The following ZNF721 variants were observed in gnomAD, a reference collection of about 807,000 sequenced individuals.
The protein encoded by ZNF721 is zinc finger protein 721.
In ZNF721, 2 loss-of-function variants were observed where a neutral mutation model predicts 2.4. The ratio of observed to expected loss-of-function variants is 0.82; its 90% confidence interval spans 0.34 to 2.58. The LOEUF is 2.58. ZNF721 is among the 30% of genes most tolerant of loss of function. The probability of loss-of-function intolerance (pLI) is 0.11; values close to 1 mark genes in which losing one functional copy is unlikely to be tolerated. For missense variants in ZNF721, 1,187 were observed against 1,085.5 expected (o/e 1.09, Z -1.31); for synonymous variants, 398 against 381.8 (o/e 1.04, Z -0.50).
rs1022332439 is a variant in ZNF721 at position 442,206 on chromosome 4, T to C, written c.2261A>G (p.Lys754Arg). 1.2e-6 allele frequency: 2 copies of C among 1,612,434 alleles called. No homozygotes were observed. Among genetic ancestry groups the C allele is most frequent in the Admixed American group, 3.4e-5 (2 of 59,674 alleles). The change falls in exon 3 of 3, where the codon AAA becomes AGA. Residue 754 changes from lysine (K) to arginine (R), a missense_variant. By Grantham distance (26) the Lys-to-Arg change is conservative (BLOSUM62 2). Coordinates refer to ENST00000511833, the MANE Select transcript of ZNF721 (RefSeq NM_133474.4). ...KKIHTGDKLY[K>R]CKECGKVFKQ... ...AAACACTTTCCCACATTCTTTACAT[T>C]TGTAGAGTTTATCTCCAGTATGAAT...
chr4:472,906 G>C (rs543049577), intron 1 of ZNF721, among the ~76,000 whole-genome samples: 1 of 152,140 alleles, frequency 6.6e-6, no homozygotes, highest in South Asian at 2.1e-4. Flanking sequence ...AAAATAATGG[G>C]CTACACTGAC....
chr4:458,565 A>T (rs1714914870), intron 2 of ZNF721, among the ~76,000 whole-genome samples: 1 of 152,138 alleles, frequency 6.6e-6, no homozygotes, highest in Non-Finnish European at 1.5e-5. Context: ...CACAGATCTA[A>T]GCCAGGCGTG....
At chr4:451,588 C>A (rs781865842) in intron 2 of ZNF721, among the ~76,000 whole-genome samples, 2 of 152,132 alleles carry the variant, frequency 1.3e-5, no homozygotes, top group African/African-American at 2.4e-5. Context: ...ATATATATAC[C>A]CTTTCTCCCT....
rs1714231626 is a variant in ZNF721, at chr4:441,441, A to AT, written c.*253dup. The AT allele has an allele frequency of 2.8e-6, 1 of 352,758 alleles. No homozygotes were observed. The highest frequency in any genetic ancestry group is 6.3e-5 in the South Asian group (1 of 15,968). The allele number at this position is 352,758 out of a possible 1,614,324, so 21.9% of individuals were successfully genotyped here. Reference sequence around the variant, plus strand: ...GACTAGAATTGGAAGTCTTTGCCACATTTTTAATTTTAATTTGGCTTCTCA... The same window carrying AT: ...GACTAGAATTGGAAGTCTTTGCCACATTTTTTAATTTTAATTTGGCTTCTCA... On this transcript the variant is annotated 3_prime_UTR_variant, in exon 3 of 3. Transcript: ENST00000511833.
rs537073532 is a variant in ZNF721, at chr4:442,347, C to G, written c.2120G>C (p.Ser707Thr). The change falls in exon 3 of 3, where the codon AGT (serine) becomes ACT (threonine). Residue 707 changes from serine to threonine, a missense_variant. Coordinates refer to ENST00000511833, the MANE Select transcript of ZNF721 (RefSeq NM_133474.4). The stretch of plus-strand genomic sequence containing the variant: ...ATGTGTAGTAAGGTTTCTTGACCTA[C>G]TAAAGGCTTTGCCACACTCTTCACA... ...YKCEECGKAF[S>T]RSRNLTTHRR... is the part of the protein sequence containing the mutation. The G allele has an allele frequency of 6.2e-7, 1 of 1,613,874 alleles. No individual in the cohort carries two copies. Among genetic ancestry groups the G allele is most frequent in the East Asian group, 2.2e-5 (1 of 44,894 alleles).
At chr4:473,324 G>A in intron 1 of ZNF721, among the ~76,000 whole-genome samples, 1 of 152,176 alleles carries the variant, frequency 6.6e-6, no homozygotes, top group South Asian at 2.1e-4. Context: ...GTACTACTCG[G>A]CTAGAGAAAG....
At chr4:497,300 G>C (rs919220210) in intron 1 of ZNF721, among the ~76,000 whole-genome samples, 1 of 151,834 alleles carries the variant, frequency 6.6e-6, no homozygotes, top group Non-Finnish European at 1.5e-5. Context: ...GAGGAACAAG[G>C]TCCCAGATTT....
chr4:443,903 G>A lies in ZNF721; in HGVS notation c.564C>T (p.Asn188=). Residue 188 remains asparagine (N), a synonymous_variant, in exon 3 of 3, where the codon AAC becomes AAT. Transcript: ENST00000511833. The stretch of plus-strand genomic sequence containing the variant: ...CTTCACCTGTGTAAGCTTTCTCTCT[G>A]TTGTGAATTCTCTTATGTGCAGTAA... ...TNLTAHKRIH[N]REKAYTGEDR... 3.1e-6 allele frequency: 5 copies of A among 1,613,546 alleles called. No individual in the cohort carries two copies. The South Asian group carries it at 4.4e-5, about 14-fold the overall frequency.
chr4:473,145 G>C (rs1262254348), intron 1 of ZNF721, among the ~76,000 whole-genome samples: 1 of 152,162 alleles, frequency 6.6e-6, no homozygotes, highest in Non-Finnish European at 1.5e-5. Context: ...ACTGGGCTGA[G>C]AGTCACTTAG....
intron 1 of ZNF721, among the ~76,000 whole-genome samples, chr4:494,267 C>T (rs1041323565): frequency 6.6e-6 from 1 of 151,524 alleles, no homozygotes. Flanking sequence ...CTGCAAGCTC[C>T]GCCTCCTGGG....
intron 2 of ZNF721, among the ~76,000 whole-genome samples, chr4:467,844 C>T (rs1261927734): frequency 6.6e-6 from 1 of 152,202 alleles, no homozygotes; most frequent in African/African-American, 2.4e-5. Context: ...CCTATAAAAA[C>T]TGTTCCCAGG....
At chr4:486,781 A>G (rs148443783) in intron 1 of ZNF721, among the ~76,000 whole-genome samples, 2,531 of 152,312 alleles carry the variant, frequency 0.017, 62 homozygotes, top group African/African-American at 0.056. Context: ...GTAATGTTGG[A>G]CATTAATTTC....
chr4:470,118 G>A (rs754964562), intron 2 of ZNF721, among the ~76,000 whole-genome samples: 12 of 152,094 alleles, frequency 7.9e-5, no homozygotes, highest in Non-Finnish European at 1.3e-4. Flanking sequence ...TCCCGACCTC[G>A]TGATCCACCT....
rs984695436 is a variant in ZNF721 at position 480,828 on chromosome 4, G to C, written c.-93-8127C>G. Among the ~76,000 whole-genome samples the C allele has an allele frequency of 4.2e-5, 6 of 144,074 alleles. 1 individual carries two copies. The highest frequency in any genetic ancestry group is 2.4e-4 in the South Asian group (1 of 4,200). 94.5% of individuals were successfully genotyped at this position (144,074 alleles called of 152,430 possible). ...TAAGTAGCTTTCACCTTTTGTGGGG[G>C]GGGGGGGAATGCTGTTATACACATG... On this transcript the variant is annotated intron_variant, in intron 1 of 2. Transcript: ENST00000511833.
At chr4:464,615 T>C (rs1455043532) in intron 2 of ZNF721, among the ~76,000 whole-genome samples, 14 of 151,970 alleles carry the variant, frequency 9.2e-5, no homozygotes, top group Non-Finnish European at 1.8e-4. Context: ...ACATAAATAG[T>C]GTGTTGAAGG....
intron 2 of ZNF721, among the ~76,000 whole-genome samples, chr4:469,461 A>G (rs1488254528): frequency 6.6e-5 from 10 of 152,184 alleles, no homozygotes; most frequent in Non-Finnish European, 1.3e-4. Flanking sequence ...ACACAAACAC[A>G]TATTTCATTA....
intron 1 of ZNF721, among the ~76,000 whole-genome samples, chr4:479,173 A>T (rs1715711755): frequency 6.6e-6 from 1 of 152,174 alleles, no homozygotes; most frequent in African/African-American, 2.4e-5. Flanking sequence ...CAACTCCAAG[A>T]TGAAGCTGCT....
chr4:487,278 C>T (rs1168469457), intron 1 of ZNF721, among the ~76,000 whole-genome samples: 6 of 152,166 alleles, frequency 3.9e-5, no homozygotes, highest in Non-Finnish European at 8.8e-5. Context: ...TTCCTAAATG[C>T]TTCTGTTATC....
intron 1 of ZNF721, among the ~76,000 whole-genome samples, chr4:490,529 T>C (rs565548440): frequency 6.6e-6 from 1 of 152,022 alleles, no homozygotes; most frequent in African/African-American, 2.4e-5. Context: ...ATTTCACTTG[T>C]TTCTTTTTAT....
Sources: gnomAD v4.1 joint callset for allele counts (sites outside exome capture counted in the v4.1 genomes callset) on GRCh38, gnomAD v4.1.1 for gene constraint, MANE v1.5 for transcripts, NCBI Gene and HGNC (gene_info 2026-07-23, HGNC 2026-07-21) for gene names.